CAMSAP2: variants seen among roughly 807,000 people sequenced by gnomAD.
CAMSAP2 encodes the protein calmodulin regulated spectrin associated protein family member 2.
A neutral mutation model predicts 146.1 loss-of-function variants in CAMSAP2; 26 were observed. The ratio of observed to expected loss-of-function variants is 0.18; its 90% CI spans 0.13 to 0.25. The LOEUF is 0.25. Ranked by LOEUF, CAMSAP2 falls within the 10% of genes least tolerant of loss-of-function variation. CAMSAP2 has a pLI of 1.00. For missense variants in CAMSAP2, 1,381 were observed against 1,759.3 expected (o/e 0.78, Z 3.85); for synonymous variants, 499 against 596.6 (o/e 0.84, Z 2.38).
intron 2 of CAMSAP2, among the ~76,000 whole-genome samples, chr1:200,790,635 C>G (rs954284839): frequency 6.6e-6 from 1 of 152,240 alleles, no homozygotes. Flanking sequence ...GGTGGTTTGC[C>G]TTGTGTTCTC....
rs1426730928 is a variant in CAMSAP2, at chr1:200,745,344, A to G, written c.139+5378A>G. ...GGAACAAAAGGAGCCCAGGTTGAGA[A>G]TCACTGCTATAAATATTATAAGACA... is the stretch of plus-strand genomic sequence containing the variant. On this transcript the variant is annotated intron_variant, in intron 1 of 16. Transcript: ENST00000358823. Among the ~76,000 whole-genome samples, 4 of 152,238 alleles carry G rather than the reference A, an allele frequency of 2.6e-5. No individual in the cohort carries two copies. In the South Asian group the frequency reaches 6.2e-4, roughly 24 times the overall value.
intron 4 of CAMSAP2, among the ~76,000 whole-genome samples, chr1:200,820,995 G>A (rs531822818): frequency 2.6e-4 from 39 of 151,956 alleles, no homozygotes; most frequent in East Asian, 1.5e-3. Flanking sequence ...CAAATATAGC[G>A]CATCATTCTC....
intron 2 of CAMSAP2, among the ~76,000 whole-genome samples, chr1:200,804,720 A>G (rs1001432711): frequency 6.6e-6 from 1 of 152,238 alleles, no homozygotes; most frequent in Non-Finnish European, 1.5e-5. Flanking sequence ...AAAGGCTGCA[A>G]TATTCTGAGT....
chr1:200,781,308 A>G lies in CAMSAP2; in HGVS notation c.399+20210A>G, dbSNP rs559742096. On this transcript the variant is annotated intron_variant, in intron 2 of 16. Transcript: ENST00000358823. ...TTTATTGGTTAGCAAATGAAAGAAC[A>G]TAGCTATCATTTTTATATTGTTGGC... 1.8e-4 allele frequency among the ~76,000 whole-genome samples: 27 copies of G among 152,358 alleles called. 2 individuals carry two copies. The South Asian group carries it at 5.6e-3, about 32-fold the overall frequency.
intron 4 of CAMSAP2, among the ~76,000 whole-genome samples, chr1:200,820,935 CTTAAG>C (rs1413098366): frequency 2.0e-5 from 3 of 152,052 alleles, no homozygotes; most frequent in Non-Finnish European, 2.9e-5. Context: ...TAATTTTGTA[CTTAAG>C]TTGTCTATTT....
At chr1:200,808,960 T>C (rs1294477985) in intron 3 of CAMSAP2, among the ~76,000 whole-genome samples, 2 of 152,222 alleles carry the variant, frequency 1.3e-5, no homozygotes, top group Non-Finnish European at 2.9e-5. Flanking sequence ...ATTTCTAACC[T>C]GCATTTGCAG....
chr1:200,847,404 TG>T, intron 9 of CAMSAP2, 112 bp downstream of exon 9: 2 of 804,144 alleles, frequency 2.5e-6, no homozygotes, highest in Non-Finnish European at 3.9e-6. Flanking sequence ...TGTGTGTGTG[TG>T]TGTGTTTTTT....
intron 2 of CAMSAP2, among the ~76,000 whole-genome samples, chr1:200,807,144 G>A (rs1208492531): frequency 1.3e-5 from 2 of 152,146 alleles, no homozygotes; most frequent in Non-Finnish European, 2.9e-5. Context: ...CATCTTTGGA[G>A]TAGAAGATAA....
At chr1:200,778,627 T>G (rs1293427575) in intron 2 of CAMSAP2, among the ~76,000 whole-genome samples, 1 of 152,214 alleles carries the variant, frequency 6.6e-6, no homozygotes, top group African/African-American at 2.4e-5. Context: ...TAATTAATCA[T>G]GTTTAATATA....
At chr1:200,828,553 TCCCGCTGC>T (rs1233990743) in intron 4 of CAMSAP2, 1 of 1,550,020 alleles carries the variant, frequency 6.5e-7, no homozygotes, top group Non-Finnish European at 8.7e-7. Flanking sequence ...TCCCCTTTTT[TCCCGCTGC>T]TTCCTCTGAA....
At chr1:200,820,746 A>G (rs1179872156) in intron 4 of CAMSAP2, among the ~76,000 whole-genome samples, 1 of 152,200 alleles carries the variant, frequency 6.6e-6, no homozygotes. Flanking sequence ...TGCCTAGTCT[A>G]TGCCCCTTTA....
At chr1:200,789,082 C>G (rs917286981) in intron 2 of CAMSAP2, among the ~76,000 whole-genome samples, 4 of 152,092 alleles carry the variant, frequency 2.6e-5, no homozygotes, top group African/African-American at 9.7e-5. Flanking sequence ...TTTTGGATAA[C>G]AGTCCTTTAT....
intron 3 of CAMSAP2, among the ~76,000 whole-genome samples, chr1:200,813,352 T>G (rs1374016045): frequency 6.6e-6 from 1 of 152,234 alleles, no homozygotes; most frequent in Non-Finnish European, 1.5e-5. Flanking sequence ...ATATGAACTC[T>G]GGGGGGCAAA....
At chr1:200,793,797 T>C (rs2103034070) in intron 2 of CAMSAP2, among the ~76,000 whole-genome samples, 1 of 152,322 alleles carries the variant, frequency 6.6e-6, no homozygotes, top group African/African-American at 2.4e-5. Flanking sequence ...ACAAACGTTG[T>C]TTAATTAGCA....
chr1:200,763,890 A>G (rs1461944306), intron 2 of CAMSAP2, among the ~76,000 whole-genome samples: 1 of 152,094 alleles, frequency 6.6e-6, no homozygotes, highest in Non-Finnish European at 1.5e-5. Flanking sequence ...CCTAGCCAAC[A>G]TGGCGAAACC....
intron 1 of CAMSAP2, among the ~76,000 whole-genome samples, chr1:200,756,179 A>G (rs932375785): frequency 1.3e-5 from 2 of 152,192 alleles, no homozygotes; most frequent in African/African-American, 4.8e-5. Flanking sequence ...TGGGCCGGGC[A>G]TGGTGGCTGG....
At chr1:200,778,351 T>G (rs1268224989) in intron 2 of CAMSAP2, among the ~76,000 whole-genome samples, 1 of 152,210 alleles carries the variant, frequency 6.6e-6, no homozygotes, top group Non-Finnish European at 1.5e-5. Context: ...TAAGCAGTAA[T>G]TATTGAAATA....
At chr1:200,741,373 T>C (rs1664169855) in intron 1 of CAMSAP2, among the ~76,000 whole-genome samples, 1 of 152,248 alleles carries the variant, frequency 6.6e-6, no homozygotes, top group Non-Finnish European at 1.5e-5. Context: ...GTTACTGCCT[T>C]TATATAAAAA....
In CAMSAP2 at chr1:200,848,512, T is replaced by C; in HGVS notation, c.1743T>C (p.Asn581=). Reference sequence around the variant, plus strand: ...AAGAAATGAGTATCTTAAATTCAAATATCAAGTTAAATCAATCTAGTCCTG... The same window carrying C: ...AAGAAATGAGTATCTTAAATTCAAACATCAAGTTAAATCAATCTAGTCCTG... ...HSQEMSILNS[N]IKLNQSSPDN... Residue 581 remains asparagine (N), a synonymous_variant, in exon 11 of 17, where the codon AAT becomes AAC. Coordinates refer to ENST00000358823, the MANE Select transcript of CAMSAP2 (RefSeq NM_203459.4). The C allele has an allele frequency of 3.7e-6, 6 of 1,613,900 alleles. No homozygotes were observed. The highest frequency in any genetic ancestry group is 5.1e-6 in the Non-Finnish European group (6 of 1,179,930).
Sources: gnomAD v4.1 joint callset for allele counts (sites outside exome capture counted in the v4.1 genomes callset) on GRCh38, gnomAD v4.1.1 for gene constraint, MANE v1.5 for transcripts, NCBI Gene and HGNC (gene_info 2026-07-23, HGNC 2026-07-21) for gene names.